Variants in LRRK1 observed in about 807,000 individuals in gnomAD.
LRRK1 encodes leucine rich repeat kinase 1, also known as leucine-rich repeat serine/threonine-protein kinase 1.
LRRK1 carries 113 observed loss-of-function variants against 209.1 expected under a neutral mutation model. The ratio of observed to expected loss-of-function variants is 0.54; its 90% confidence interval spans 0.46 to 0.63. The LOEUF is 0.63. LRRK1 is among the 30% of genes least tolerant of loss of function. The pLI is 0.00. For synonymous variants in LRRK1, 1,144 were observed against 1,099.7 expected (o/e 1.04, Z -0.80); for missense variants, 2,284 against 2,632.2 (o/e 0.87, Z 2.89).
At chr15:101,057,361 C>G (rs1016288957) in intron 28 of LRRK1, among the ~76,000 whole-genome samples, 1 of 152,186 alleles carries the variant, frequency 6.6e-6, no homozygotes, top group Non-Finnish European at 1.5e-5. Flanking sequence ...ATGTGGGTGT[C>G]TCTTTGTAAA....
At chr15:100,925,489 C>A (rs907748118) in intron 2 of LRRK1, among the ~76,000 whole-genome samples, 3 of 152,214 alleles carry the variant, frequency 2.0e-5, no homozygotes, top group African/African-American at 7.2e-5. Context: ...CTACTGAGAG[C>A]ATTTCCTTCC....
rs1452560841 is a variant in LRRK1 at position 101,068,826 on chromosome 15, C to A, written c.6026C>A (p.Ala2009Asp). Residue 2009 changes from alanine (A) to aspartate (D), a missense_variant, in exon 34 of 34, where the codon GCT becomes GAT. Ala to Asp is a moderately radical substitution (Grantham distance 126). Transcript: ENST00000388948. Reference protein sequence around the residue: ...QSYEELGRLEACTRKRR With the variant: ...QSYEELGRLEDCTRKRR ...TACGAGGAGCTGGGCCGGCTGGAGG[C>A]TTGCACTCGCAAGAGAAGGTAATTC... 1 of 1,606,346 alleles carries A rather than the reference C, an allele frequency of 6.2e-7. No homozygotes were observed. Among genetic ancestry groups the A allele is most frequent in the Non-Finnish European group, 8.5e-7 (1 of 1,176,552 alleles).
chr15:101,063,515 C>T (rs1286218546), intron 31 of LRRK1, among the ~76,000 whole-genome samples: 3 of 152,226 alleles, frequency 2.0e-5, no homozygotes, highest in African/African-American at 7.2e-5. Context: ...CTCCTCCGCC[C>T]ACAGGATTCA....
Position 101,027,417 on chromosome 15 carries a change from C to T in LRRK1, c.2526+36C>T, listed in dbSNP as rs370344786. ...TGCTGGTCCAGTTTAAACCAGTCTG[C>T]CTGCTTCCCATTGTTGGGGGTCCTC... is the stretch of plus-strand genomic sequence containing the variant. On this transcript the variant is annotated intron_variant, in intron 18 of 33. Transcript: ENST00000388948. The surrounding 1 kb of genome is among the most constrained non-coding windows in gnomAD (Gnocchi z 5.1). The T allele has an allele frequency of 1.2e-4, 193 of 1,601,310 alleles. 1 individual carries two copies. In the African/African-American group the frequency reaches 2.4e-3, roughly 20 times the overall value.
At chr15:101,010,936 G>C in intron 9 of LRRK1, 99 bp downstream of exon 9, 1 of 1,073,274 alleles carries the variant, frequency 9.3e-7, no homozygotes, top group Non-Finnish European at 1.3e-6. Flanking sequence ...CATCCCCTCA[G>C]CAGCGAAGCC....
At chr15:101,020,019 C>G (rs1014857197) in intron 12 of LRRK1, among the ~76,000 whole-genome samples, 2 of 152,146 alleles carry the variant, frequency 1.3e-5, no homozygotes, top group Non-Finnish European at 2.9e-5. Flanking sequence ...CAAAGAATGG[C>G]ATTGTAAGAA....
At position 101,027,420 on chromosome 15, in the gene LRRK1, G is replaced by T. The variant is rs998339977; in HGVS notation, c.2526+39G>T. On this transcript the variant is annotated intron_variant, in intron 18 of 33. Coordinates refer to ENST00000388948, the MANE Select transcript of LRRK1 (RefSeq NM_024652.6). This position sits in a 1 kb window ranked among gnomAD's most constrained non-coding sequence, Gnocchi z 5.1. ...TGGTCCAGTTTAAACCAGTCTGCCT[G>T]CTTCCCATTGTTGGGGGTCCTCACT... 23 of 1,599,564 alleles carry T rather than the reference G, an allele frequency of 1.4e-5. No homozygotes were observed. Among genetic ancestry groups the T allele is most frequent in the East Asian group, 8.9e-5 (4 of 44,702 alleles).
chr15:101,017,278 A>G (rs2033582890), intron 12 of LRRK1, among the ~76,000 whole-genome samples: 1 of 152,228 alleles, frequency 6.6e-6, no homozygotes, highest in Admixed American at 6.5e-5. Flanking sequence ...TGCCGCTGCT[A>G]CGCTCTTGGA....
Position 101,010,718 on chromosome 15 carries a change from T to A in LRRK1, c.1162T>A (p.Ser388Thr). 1 of 1,613,610 alleles carries A rather than the reference T, an allele frequency of 6.2e-7. No homozygotes were observed. Among genetic ancestry groups the A allele is most frequent in the East Asian group, 2.2e-5 (1 of 44,866 alleles). ...ACGGAAGCTACAGGAACTTGATATA[T>A]CTGACAATAAATTGACAGAACTCCC... is the stretch of plus-strand genomic sequence containing the variant. Reference protein sequence around the residue: ...GLRKLQELDISDNKLTELPAL... With the variant: ...GLRKLQELDITDNKLTELPAL... Residue 388 changes from serine to threonine, a missense_variant, in exon 9 of 34, where the codon TCT becomes ACT. This residue lies in a region of LRRK1 where 494 missense variants were observed against 522.1 expected (regional missense o/e 0.95). Transcript: ENST00000388948.
At chr15:101,049,853 G>A in intron 23 of LRRK1, 70 bp downstream of exon 23, 1 of 1,504,284 alleles carries the variant, frequency 6.6e-7, no homozygotes, top group East Asian at 2.3e-5. Context: ...TGGGGCTGCT[G>A]CTTTCGGGGT....
At chr15:100,948,664 A>C (rs2042588750) in intron 2 of LRRK1, among the ~76,000 whole-genome samples, 1 of 152,252 alleles carries the variant, frequency 6.6e-6, no homozygotes, top group Non-Finnish European at 1.5e-5. Context: ...AATGGAAATC[A>C]TACAAAATAT....
chr15:101,065,071 G>A (rs2036450528), intron 31 of LRRK1: 1 of 502,018 alleles, frequency 2.0e-6, no homozygotes, highest in African/African-American at 1.9e-5. Flanking sequence ...AGCCCATGTG[G>A]TCCAGGTGAC....
At chr15:100,941,328 C>CTGTGTGTG (rs1491189485) in intron 2 of LRRK1, among the ~76,000 whole-genome samples, 2 of 82,710 alleles carry the variant, frequency 2.4e-5, no homozygotes, top group African/African-American at 6.1e-5. Context: ...GTGTGTGTGT[C>CTGTGTGTG]TGTGTCTCTG....
rs575395000 is a variant in LRRK1 at position 100,933,012 on chromosome 15, G to A, written c.97+8283G>A. Among the ~76,000 whole-genome samples, 8 of 152,176 alleles carry A rather than the reference G, an allele frequency of 5.3e-5. No homozygotes were observed. In the South Asian group the frequency reaches 6.2e-4, roughly 12 times the overall value. On this transcript the variant is annotated intron_variant, in intron 2 of 33. Transcript: ENST00000388948. ...TCCCTGCTACCTCCATCGGCCTCCC[G>A]CCTCCCACCCAGGACTCTTACTTTG... is the stretch of plus-strand genomic sequence containing the variant.
intron 1 of LRRK1, among the ~76,000 whole-genome samples, chr15:100,922,240 T>G (rs756825625): frequency 8.5e-5 from 13 of 152,200 alleles, no homozygotes; most frequent in Non-Finnish European, 1.5e-4. Context: ...AAGATCCGTT[T>G]GAGGGCAAAG....
In LRRK1 at chr15:101,022,660, C is replaced by T. The variant is rs748773377; in HGVS notation, c.2067+63C>T. On this transcript the variant is annotated intron_variant, in intron 15 of 33. Coordinates refer to ENST00000388948, the MANE Select transcript of LRRK1 (RefSeq NM_024652.6). The surrounding 1 kb of genome is among the most constrained non-coding windows in gnomAD (Gnocchi z 4.0). The stretch of plus-strand genomic sequence containing the variant: ...GAGGAACATCCCTTGGACTCCTTCT[C>T]CCTTCTCCCCAGAGAGCCCAGGATT... 7 of 1,193,250 alleles carry T rather than the reference C, an allele frequency of 5.9e-6. No homozygotes were observed. In the African/African-American group the frequency reaches 7.5e-5, roughly 13 times the overall value. 73.9% of individuals were successfully genotyped at this position (1,193,250 alleles called of 1,614,324 possible). A position where few individuals can be genotyped will look rare whatever the true frequency, so the allele number is the denominator to read the frequency against.
Position 101,027,210 on chromosome 15 carries a change from G to A in LRRK1, c.2406-51G>A, listed in dbSNP as rs759621891. ...CTCAGGGAAACAGAGAAGCAGCAGC[G>A]CTTCCTCGGAGTGGGGCATGATGAG... On this transcript the variant is annotated intron_variant, in intron 17 of 33. Transcript: ENST00000388948. This position sits in a 1 kb window ranked among gnomAD's most constrained non-coding sequence, Gnocchi z 5.1. 11 of 1,602,806 alleles carry A rather than the reference G, an allele frequency of 6.9e-6. No homozygotes were observed. The highest frequency in any genetic ancestry group is 7.7e-6 in the Non-Finnish European group (9 of 1,173,322).
rs2033949800 is a variant in LRRK1, at chr15:101,024,871, C to T, written c.2136C>T (p.Cys712=). The T allele has an allele frequency of 6.2e-7, 1 of 1,614,062 alleles. No individual in the cohort carries two copies. Among genetic ancestry groups the T allele is most frequent in the African/African-American group, 1.3e-5 (1 of 74,936 alleles). Residue 712 remains cysteine (C), a synonymous_variant, in exon 16 of 34, where the codon TGC becomes TGT. Transcript: ENST00000388948. This position sits in a 1 kb window ranked among gnomAD's most constrained non-coding sequence, Gnocchi z 4.6. ...CCAGCATGGCCACTGTCAACCAGTG[C>T]TTCTTCACGGACAAGGCCCTGTACG... ...GPASMATVNQ[C]FFTDKALYVV...
chr15:100,939,607 T>G (rs2042364361), intron 2 of LRRK1, among the ~76,000 whole-genome samples: 2 of 152,296 alleles, frequency 1.3e-5, no homozygotes, highest in African/African-American at 4.8e-5. Context: ...CACACAATGG[T>G]TTTATCAGTC....
Sources: allele counts gnomAD v4.1 joint callset (sites outside exome capture counted in the v4.1 genomes callset), GRCh38; gene constraint gnomAD v4.1.1; regional missense constraint gnomAD v4.1.1; non-coding constraint Gnocchi (gnomAD v3.1); transcripts MANE v1.5; gene names NCBI Gene and HGNC (gene_info 2026-07-23, HGNC 2026-07-21).